PPFIBP1: variants seen among roughly 807,000 people sequenced by gnomAD.
PPFIBP1 encodes the protein PPFIB scaffold protein 1.
Under a neutral mutation model 137.8 loss-of-function variants are expected in PPFIBP1, and 112 were observed. That is an observed-to-expected ratio of 0.81 (90% confidence interval 0.70 to 0.95). The LOEUF (loss-of-function observed/expected upper bound fraction) is 0.95, where lower values mean the gene tolerates loss of function less well. PPFIBP1 is among the 40% of genes least tolerant of loss of function. The pLI is 0.00. For synonymous variants in PPFIBP1, 378 were observed against 417.3 expected (o/e 0.91, Z 1.15); for missense variants, 1,083 against 1,196.6 (o/e 0.91, Z 1.40).
chr12:27,692,856 A>G lies in PPFIBP1; in HGVS notation c.2992A>G (p.Ile998Val), dbSNP rs199801908. 253 of 1,614,044 alleles carry G rather than the reference A, an allele frequency of 1.6e-4. No individual in the cohort carries two copies. The highest frequency in any genetic ancestry group is 2.0e-4 in the Non-Finnish European group (239 of 1,180,016). Reference sequence around the variant, plus strand: ...TGCTGCCCGTTCCCCCAGTGCCAGCATTACAGATGAAGACTCAAACGTTTG... The same window carrying G: ...TGCTGCCCGTTCCCCCAGTGCCAGCGTTACAGATGAAGACTCAAACGTTTG... ...DFAARSPSASITDEDSNV is the reference protein window; with the variant it reads ...DFAARSPSASVTDEDSNV Residue 998 changes from isoleucine to valine, a missense_variant, in exon 30 of 30, where the codon ATT becomes GTT. Ile to Val is a conservative substitution (Grantham distance 29, BLOSUM62 3). Coordinates refer to ENST00000228425, the MANE Select transcript of PPFIBP1 (RefSeq NM_003622.4).
chr12:27,622,971 A>G (rs10842954), intron 2 of PPFIBP1, among the ~76,000 whole-genome samples: 88,563 of 152,068 alleles, frequency 0.58, 26,319 homozygotes, highest in Non-Finnish European at 0.61. Flanking sequence ...GAAGGTGCTC[A>G]TGTATAGGAA....
intron 13 of PPFIBP1, among the ~76,000 whole-genome samples, chr12:27,670,103 T>G (rs912263369): frequency 1.3e-5 from 2 of 152,204 alleles, no homozygotes; most frequent in Admixed American, 6.5e-5. Context: ...GAGTTCATTG[T>G]GGCAAACTTT....
intron 24 of PPFIBP1, 96 bp downstream of exon 24, chr12:27,682,799 C>T (rs1045553525): frequency 7.0e-6 from 11 of 1,573,508 alleles, no homozygotes; most frequent in Non-Finnish European, 8.6e-6. Context: ...TTCAGTGATT[C>T]CACCAGAGTT....
chr12:27,682,645 A>AT lies in PPFIBP1; in HGVS notation c.2190dup (p.Lys731Ter). 1.9e-6 allele frequency: 3 copies of AT among 1,614,156 alleles called. No homozygotes were observed. Among genetic ancestry groups the AT allele is most frequent in the Non-Finnish European group, 2.5e-6 (3 of 1,180,012 alleles). On this transcript the variant is annotated frameshift_variant, in exon 24 of 30. Transcript: ENST00000228425. LOFTEE classifies it high-confidence loss of function. ...TTGGATGACATTGGCCTCCCTCAATATAAGACCCAGTTTGATGAAGGACGG... is the reference window on the plus strand; with the variant it reads ...TTGGATGACATTGGCCTCCCTCAATATTAAGACCCAGTTTGATGAAGGACGG...
chr12:27,565,002 T>G (rs2049520831), intron 1 of PPFIBP1, among the ~76,000 whole-genome samples: 1 of 152,172 alleles, frequency 6.6e-6, no homozygotes, highest in Admixed American at 6.5e-5. Flanking sequence ...GCAGACTAAT[T>G]AATAGACAGC....
intron 1 of PPFIBP1, among the ~76,000 whole-genome samples, chr12:27,565,570 C>T (rs1460618612): frequency 2.0e-5 from 3 of 152,142 alleles, no homozygotes; most frequent in African/African-American, 7.2e-5. Flanking sequence ...GTTGTTTTCT[C>T]TCTACCTTTT....
At chr12:27,652,980 C>A (rs1407862338) in intron 7 of PPFIBP1, among the ~76,000 whole-genome samples, 1 of 152,052 alleles carries the variant, frequency 6.6e-6, no homozygotes, top group Non-Finnish European at 1.5e-5. Flanking sequence ...AAATAGATAT[C>A]ATCTAAGTGA....
intron 2 of PPFIBP1, among the ~76,000 whole-genome samples, chr12:27,589,077 T>C (rs1443656441): frequency 2.0e-5 from 3 of 152,218 alleles, no homozygotes; most frequent in Non-Finnish European, 4.4e-5. Context: ...CGACTCCAGG[T>C]AATGCAATAT....
chr12:27,653,614 G>A (rs2059018043), intron 7 of PPFIBP1, among the ~76,000 whole-genome samples: 2 of 151,234 alleles, frequency 1.3e-5, no homozygotes, highest in Admixed American at 6.6e-5. Context: ...AAAAAGGAGA[G>A]GGAGAGAGAA....
At chr12:27,598,331 G>A (rs1299739435) in intron 2 of PPFIBP1, among the ~76,000 whole-genome samples, 3 of 152,160 alleles carry the variant, frequency 2.0e-5, no homozygotes, top group South Asian at 2.1e-4. Flanking sequence ...AAGAGAGAGA[G>A]CATGTGCAGG....
chr12:27,605,859 T>C (rs2054472367), intron 2 of PPFIBP1, among the ~76,000 whole-genome samples: 1 of 152,192 alleles, frequency 6.6e-6, no homozygotes, highest in Non-Finnish European at 1.5e-5. Flanking sequence ...GTTCCATCCT[T>C]ATATTAAAAT....
chr12:27,681,534 A>AT lies in PPFIBP1; in HGVS notation c.1896-8dup, dbSNP rs774038083. The stretch of plus-strand genomic sequence containing the variant: ...TGGATTATTTTTCATGCAATTACTC[A>AT]TTTTCCTGTAGTGACTTGGATATGC... On this transcript the variant is annotated splice_polypyrimidine_tract_variant and intron_variant, in intron 21 of 29. Coordinates refer to ENST00000228425, the MANE Select transcript of PPFIBP1 (RefSeq NM_003622.4). The AT allele has an allele frequency of 3.6e-5, 58 of 1,611,456 alleles. No individual in the cohort carries two copies. The highest frequency in any genetic ancestry group is 4.8e-5 in the Non-Finnish European group (57 of 1,178,078).
rs760513478 is a variant in PPFIBP1, at chr12:27,667,212, C to A, written c.1038C>A (p.Ser346=). The A allele has an allele frequency of 6.2e-7, 1 of 1,612,840 alleles. No homozygotes were observed. Among genetic ancestry groups the A allele is most frequent in the East Asian group, 2.2e-5 (1 of 44,870 alleles). Residue 346 remains serine (S), a synonymous_variant, in exon 13 of 30, where the codon TCC becomes TCA. Coordinates refer to ENST00000228425, the MANE Select transcript of PPFIBP1 (RefSeq NM_003622.4). The part of the protein sequence containing the change: ...YEELLNSSSI[S]SLLDAQGFSD... ...AGCTGCTCAATTCCAGTTCCATCTC[C>A]TCTTTGCTGGATGCACAGGGTTTCA...
chr12:27,691,685 C>CAGGCCTTGATT lies in PPFIBP1; in HGVS notation c.2686-62_2686-52dup, dbSNP rs1479369700. 2.9e-5 allele frequency: 39 copies of CAGGCCTTGATT among 1,356,680 alleles called. No homozygotes were observed. In the African/African-American group the frequency reaches 4.5e-4, roughly 16 times the overall value. 84.0% of individuals were successfully genotyped at this position (1,356,680 alleles called of 1,614,324 possible). A position where few individuals can be genotyped will look rare whatever the true frequency, so the allele number is the denominator to read the frequency against. ...AACGCAAAAAAAAATCACATGTTAT[C>CAGGCCTTGATT]AGGCCTTGATTATATGAATTTTATC... On this transcript the variant is annotated intron_variant, in intron 27 of 29. Coordinates refer to ENST00000228425, the MANE Select transcript of PPFIBP1 (RefSeq NM_003622.4).
At position 27,691,894 on chromosome 12, in the gene PPFIBP1, T is replaced by A; in HGVS notation, c.2831T>A (p.Leu944Gln). 2 of 1,613,134 alleles carry A rather than the reference T, an allele frequency of 1.2e-6. No individual in the cohort carries two copies. Among genetic ancestry groups the A allele is most frequent in the Non-Finnish European group, 1.7e-6 (2 of 1,179,672 alleles). ...TTTAAACCTGGTTTGGATATGCGCC[T>A]GTATGAGGAAGATGATTTGGACCGG... is the stretch of plus-strand genomic sequence containing the variant. The part of the protein sequence containing the change: ...KGFKPGLDMR[L>Q]YEEDDLDRLE... Residue 944 changes from leucine (L) to glutamine (Q), a missense_variant, in exon 28 of 30, where the codon CTG (leucine) becomes CAG (glutamine). Leu to Gln is a moderately radical substitution (Grantham distance 113). Transcript: ENST00000228425.
intron 1 of PPFIBP1, among the ~76,000 whole-genome samples, chr12:27,562,249 A>C (rs2049229959): frequency 6.6e-6 from 1 of 152,162 alleles, no homozygotes; most frequent in Non-Finnish European, 1.5e-5. Context: ...GGCACATAGA[A>C]GATGCTCCAT....
intron 1 of PPFIBP1, among the ~76,000 whole-genome samples, chr12:27,571,292 C>T (rs915079891): frequency 6.6e-6 from 1 of 152,094 alleles, no homozygotes; most frequent in African/African-American, 2.4e-5. Context: ...CATCGTTGCT[C>T]ATTTTTCCAG....
chr12:27,589,921 G>T (rs1315041045), intron 2 of PPFIBP1, among the ~76,000 whole-genome samples: 1 of 152,162 alleles, frequency 6.6e-6, no homozygotes, highest in East Asian at 1.9e-4. Context: ...GGTCCTAATA[G>T]ATTTCTCAGT....
At chr12:27,646,488 C>T (rs1180504374) in intron 5 of PPFIBP1, among the ~76,000 whole-genome samples, 1 of 150,794 alleles carries the variant, frequency 6.6e-6, no homozygotes, top group Non-Finnish European at 1.5e-5. Flanking sequence ...AAGCAACCCT[C>T]CTACCTCAGC....
Sources: gnomAD v4.1 joint callset for allele counts (sites outside exome capture counted in the v4.1 genomes callset) on GRCh38, gnomAD v4.1.1 for gene constraint, MANE v1.5 for transcripts, NCBI Gene and HGNC (gene_info 2026-07-23, HGNC 2026-07-21) for gene names.